CCDC170: variants seen among roughly 807,000 people sequenced by gnomAD.
The protein encoded by CCDC170 is coiled-coil domain containing 170, also known as coiled-coil domain-containing protein 170.
Under a neutral mutation model 72.6 loss-of-function variants are expected in CCDC170, and 69 were observed. The ratio of observed to expected loss-of-function variants is 0.95; its 90% CI spans 0.78 to 1.16. CCDC170 has a LOEUF of 1.16. Among genes scored for constraint, CCDC170 ranks in the 50% most tolerant of loss-of-function variants. The pLI is 0.00. For synonymous variants in CCDC170, 300 were observed against 303.9 expected, an observed-to-expected ratio of 0.99 and a Z score of 0.13; for missense variants, 852 against 832.5, an observed-to-expected ratio of 1.02 and a Z score of -0.29.
intron 9 of CCDC170, among the ~76,000 whole-genome samples, chr6:151,600,558 T>C (rs371127591): frequency 2.0e-5 from 3 of 152,200 alleles, no homozygotes; most frequent in African/African-American, 7.2e-5. Flanking sequence ...CCTTAATCAT[T>C]ACCTGCAAAG....
At chr6:151,552,643 C>T (rs1583023076) in intron 5 of CCDC170, among the ~76,000 whole-genome samples, 1 of 152,142 alleles carries the variant, frequency 6.6e-6, no homozygotes, top group South Asian at 2.1e-4. Flanking sequence ...GAAGCTCCTT[C>T]AGGATGTACC....
At chr6:151,498,689 G>A (rs1211130633) in intron 1 of CCDC170, among the ~76,000 whole-genome samples, 1 of 152,194 alleles carries the variant, frequency 6.6e-6, no homozygotes, top group Non-Finnish European at 1.5e-5. Context: ...TGCTGTATAA[G>A]TGGAATCAGA....
intron 9 of CCDC170, among the ~76,000 whole-genome samples, chr6:151,614,870 C>T (rs1339335665): frequency 6.6e-6 from 1 of 152,168 alleles, no homozygotes; most frequent in East Asian, 1.9e-4. Flanking sequence ...GACAGCTTCT[C>T]AGAGGAAGAC....
intron 1 of CCDC170, among the ~76,000 whole-genome samples, chr6:151,532,239 T>C (rs1782500529): frequency 1.3e-5 from 2 of 152,162 alleles, no homozygotes; most frequent in Non-Finnish European, 2.9e-5. Flanking sequence ...GTAGACCCCA[T>C]TTACAATATG....
At chr6:151,583,227 AG>A (rs35883965) in intron 6 of CCDC170, among the ~76,000 whole-genome samples, 66,251 of 151,486 alleles carry the variant, frequency 0.44, 17,104 homozygotes, top group East Asian at 0.81. Flanking sequence ...TCCTGACCTC[AG>A]GTGATCCACC....
chr6:151,590,027 G>A (rs913637435), intron 7 of CCDC170, among the ~76,000 whole-genome samples: 9 of 151,920 alleles, frequency 5.9e-5, no homozygotes, highest in Admixed American at 3.9e-4. Context: ...TATTTTCACC[G>A]AGAGAATGTT....
intron 5 of CCDC170, among the ~76,000 whole-genome samples, chr6:151,557,365 C>T (rs141351123): frequency 3.3e-5 from 5 of 150,624 alleles, no homozygotes; most frequent in East Asian, 1.9e-4. Flanking sequence ...GCCGAGATCA[C>T]GCCACTGCAC....
intron 8 of CCDC170, among the ~76,000 whole-genome samples, chr6:151,594,898 G>T (rs987854135): frequency 1.3e-5 from 2 of 152,094 alleles, no homozygotes; most frequent in African/African-American, 2.4e-5. Flanking sequence ...TGATCCACCC[G>T]CCTTGGCCTC....
chr6:151,504,467 T>G (rs925528236), intron 1 of CCDC170, among the ~76,000 whole-genome samples: 20 of 152,012 alleles, frequency 1.3e-4, no homozygotes, highest in African/African-American at 4.1e-4. Context: ...TAAATAAAAT[T>G]TTTACCAATT....
At chr6:151,505,466 G>A (rs572254211) in intron 1 of CCDC170, among the ~76,000 whole-genome samples, 1 of 151,810 alleles carries the variant, frequency 6.6e-6, no homozygotes, top group Non-Finnish European at 1.5e-5. Flanking sequence ...GGCAGGTCAC[G>A]AGGTCAGGAG....
intron 5 of CCDC170, among the ~76,000 whole-genome samples, chr6:151,568,650 A>G (rs1012955890): frequency 6.6e-6 from 1 of 152,210 alleles, no homozygotes; most frequent in East Asian, 1.9e-4. Flanking sequence ...TCATAAAGGT[A>G]CAAATGGTAC....
intron 5 of CCDC170, 82 bp from the exon 6 acceptor site, chr6:151,573,092 G>T (rs944925324): frequency 7.0e-6 from 9 of 1,288,900 alleles, no homozygotes; most frequent in Non-Finnish European, 9.7e-6. Flanking sequence ...AGCAGGCAAA[G>T]TCAATGAATT....
chr6:151,594,116 T>G (rs1197062652), intron 8 of CCDC170, among the ~76,000 whole-genome samples: 2 of 152,222 alleles, frequency 1.3e-5, no homozygotes, highest in Admixed American at 1.3e-4. Flanking sequence ...TAAAATATAA[T>G]TATTAGTTAC....
intron 1 of CCDC170, 57 bp downstream of exon 1, chr6:151,494,242 G>C (rs1208973602): frequency 7.0e-7 from 1 of 1,431,846 alleles, no homozygotes; most frequent in Non-Finnish European, 9.2e-7. Context: ...GACGACCCAG[G>C]AGGGGCCGAG....
At chr6:151,596,624 C>A (rs1475864723) in intron 9 of CCDC170, 47 bp downstream of exon 9, 4 of 1,602,118 alleles carry the variant, frequency 2.5e-6, no homozygotes, top group Non-Finnish European at 3.4e-6. Flanking sequence ...TGGTTACTGT[C>A]AATGTTTTAT....
In CCDC170 at chr6:151,573,413, G is replaced by T. The variant is rs1776257431; in HGVS notation, c.1014G>T (p.Leu338Phe). 2 of 1,614,034 alleles carry T rather than the reference G, an allele frequency of 1.2e-6. No homozygotes were observed. Among genetic ancestry groups the T allele is most frequent in the African/African-American group, 2.7e-5 (2 of 74,926 alleles). Residue 338 changes from leucine to phenylalanine, a missense_variant, in exon 6 of 11, where the codon TTG becomes TTT. Physicochemically the swap from Leu to Phe is conservative, Grantham distance 22 (BLOSUM62 0). Transcript: ENST00000239374. Reference protein sequence around the residue: ...EKIAALLRGRLSMTGSTEDTI... With the variant: ...EKIAALLRGRFSMTGSTEDTI... ...TCGCAGCCCTCCTTAGGGGCAGATT[G>T]AGCATGACTGGGTCCACTGAGGACA...
intron 1 of CCDC170, among the ~76,000 whole-genome samples, chr6:151,508,741 C>T (rs542306267): frequency 8.6e-5 from 13 of 151,140 alleles, no homozygotes; most frequent in South Asian, 6.3e-4. Context: ...ATAGGCCGGG[C>T]GTGGTGGCTC....
At chr6:151,551,702 G>A (rs566747536) in intron 5 of CCDC170, among the ~76,000 whole-genome samples, 2 of 152,246 alleles carry the variant, frequency 1.3e-5, no homozygotes, top group Admixed American at 6.5e-5. Flanking sequence ...GCTACCATGT[G>A]AGTGAGCCCA....
chr6:151,607,378 T>C (rs1776802547), intron 9 of CCDC170, among the ~76,000 whole-genome samples: 1 of 152,230 alleles, frequency 6.6e-6, no homozygotes, highest in African/African-American at 2.4e-5. Context: ...TCTCTTATTG[T>C]TTATCTTCGC....
Sources: gnomAD v4.1 joint callset for allele counts (sites outside exome capture counted in the v4.1 genomes callset) on GRCh38, gnomAD v4.1.1 for gene constraint, MANE v1.5 for transcripts, NCBI Gene and HGNC (gene_info 2026-07-23, HGNC 2026-07-21) for gene names.